MTAP: variants seen among roughly 807,000 people sequenced by gnomAD.
The protein encoded by MTAP is S-methyl-5'-thioadenosine phosphorylase.
In MTAP, 33 loss-of-function variants were observed where a neutral mutation model predicts 33.6. The observed-to-expected ratio is 0.98, with a 90% CI of 0.74 to 1.31. The LOEUF (loss-of-function observed/expected upper bound fraction) is 1.31. Among genes scored for constraint, MTAP ranks in the 40% most tolerant of loss-of-function variants. The pLI is 0.00. For synonymous variants in MTAP, 148 were observed against 125.7 expected, an observed-to-expected ratio of 1.18 and a Z score of -1.19; for missense variants, 367 against 360.0, an observed-to-expected ratio of 1.02 and a Z score of -0.16.
intron 6 of MTAP, among the ~76,000 whole-genome samples, chr9:21,857,026 T>C (rs1403546579): frequency 3.3e-5 from 5 of 152,166 alleles, no homozygotes; most frequent in African/African-American, 1.2e-4. Flanking sequence ...TAATGCTGGC[T>C]TGTAAGAGGG....
At chr9:21,860,578 A>T (rs1825734042) in intron 7 of MTAP, 1 of 152,258 alleles carries the variant, frequency 6.6e-6, no homozygotes, top group African/African-American at 2.4e-5. Context: ...CATAATATAT[A>T]GAGATGCAGG....
At chr9:21,849,249 G>T (rs1385165198) in intron 5 of MTAP, among the ~76,000 whole-genome samples, 1 of 152,140 alleles carries the variant, frequency 6.6e-6, no homozygotes, top group Non-Finnish European at 1.5e-5. Context: ...TCCCCAAGGA[G>T]ACCTCCGACC....
At chr9:21,860,615 G>A (rs10965166) in intron 7 of MTAP, 1 of 152,232 alleles carries the variant, frequency 6.6e-6, no homozygotes, top group East Asian at 1.9e-4. Context: ...AATTAAAAGG[G>A]AAAAAATACA....
intron 1 of MTAP, chr9:21,812,249 A>G (rs753024637): frequency 6.2e-5 from 14 of 226,516 alleles, no homozygotes; most frequent in Non-Finnish European, 1.1e-4. Context: ...TGGTGACCCC[A>G]CTCATGGCTG....
In MTAP at chr9:21,863,622, CAA is replaced by C. The variant is rs11358276; in HGVS notation, c.*1621_*1622del. 0.014 allele frequency: 12,282 copies of C among 860,326 alleles called. 62 individuals are homozygous for C. Among genetic ancestry groups the C allele is most frequent in the East Asian group, 0.075 (591 of 7,878 alleles). The allele number at this position is 860,326 out of a possible 1,614,324, so 53.3% of individuals were successfully genotyped here. A position where few individuals can be genotyped will look rare whatever the true frequency, so the allele number is the denominator to read the frequency against. ...TGGGCAACAGAGTAAGACTCAGTCT[CAA>C]AAAAAAAAAAAAGAGTGAAATGCTT... On this transcript the variant is annotated 3_prime_UTR_variant, in exon 8 of 8. Transcript: ENST00000644715.
Position 21,829,937 on chromosome 9 carries a change from T to C in MTAP, c.348-7971T>C, listed in dbSNP as rs569141139. 3.3e-5 allele frequency among the ~76,000 whole-genome samples: 5 copies of C among 152,284 alleles called. No homozygotes were observed. In the South Asian group the frequency reaches 6.2e-4, roughly 19 times the overall value. On this transcript the variant is annotated intron_variant, in intron 4 of 7. Transcript: ENST00000644715. ...CTTATCTGAAAATCTTTTTTTTTCT[T>C]CTCTCTCTCATGCTACATTACAGCT... is the stretch of plus-strand genomic sequence containing the variant.
intron 4 of MTAP, among the ~76,000 whole-genome samples, chr9:21,832,419 T>C (rs944585755): frequency 1.3e-5 from 2 of 152,250 alleles, no homozygotes; most frequent in Non-Finnish European, 2.9e-5. Flanking sequence ...TAGCTCTTTC[T>C]CTCATTGCTA....
downstream of MTAP, among the ~76,000 whole-genome samples, chr9:21,870,604 C>T (rs1226577876): frequency 6.6e-6 from 1 of 151,672 alleles, no homozygotes; most frequent in Non-Finnish European, 1.5e-5. Context: ...GCCACATTTA[C>T]AAAGTAAAAA....
Position 21,925,994 on chromosome 9 carries a change from G to A in MTAP, c.148-5014G>A, listed in dbSNP as rs74421963. ...CTTTTCTCATTCATTTTTAATGATAGCAGAATGTCCTACACTGCTTTTGGG... is the reference window on the plus strand; with the variant it reads ...CTTTTCTCATTCATTTTTAATGATAACAGAATGTCCTACACTGCTTTTGGG... On this transcript the variant is annotated intron_variant, in intron 1 of 1. Coordinates refer to the MTAP transcript ENST00000577563. Among the ~76,000 whole-genome samples the A allele has an allele frequency of 3.7e-3, 558 of 152,232 alleles. 12 individuals carry two copies. In the East Asian group the frequency reaches 0.049, roughly 13 times the overall value.
intron 4 of MTAP, among the ~76,000 whole-genome samples, chr9:21,833,517 C>T (rs1340035571): frequency 6.6e-6 from 1 of 152,136 alleles, no homozygotes; most frequent in East Asian, 1.9e-4. Context: ...ACTTCTTAGT[C>T]TGATGTTTCT....
At chr9:21,890,304 A>G (rs1234928531) in intron 1 of MTAP, among the ~76,000 whole-genome samples, 1 of 152,112 alleles carries the variant, frequency 6.6e-6, no homozygotes, top group Non-Finnish European at 1.5e-5. Context: ...CCCCAAGTTT[A>G]TATTCAGGCA....
chr9:21,863,443 T>G lies in MTAP; in HGVS notation c.*1429T>G, dbSNP rs1825792809. On this transcript the variant is annotated 3_prime_UTR_variant, in exon 8 of 8. Coordinates refer to ENST00000644715, the MANE Select transcript of MTAP (RefSeq NM_002451.4). ...TAATGCGTTGAAACTCCGTCTCTAC[T>G]AAAAATACAAAAAATTAGCTGGGCG... is the stretch of plus-strand genomic sequence containing the variant. 1 of 612,236 alleles carries G rather than the reference T, an allele frequency of 1.6e-6. No homozygotes were observed. Among genetic ancestry groups the G allele is most frequent in the African/African-American group, 2.0e-5 (1 of 49,964 alleles). The allele number at this position is 612,236 out of a possible 1,614,324, so 37.9% of individuals were successfully genotyped here. A position where few individuals can be genotyped will look rare whatever the true frequency, so the allele number is the denominator to read the frequency against.
chr9:21,885,726 G>T lies in MTAP; in HGVS notation c.147+30856G>T, dbSNP rs1004861196. ...AATAATGGTCCCCAAATCCATCCAGGTTGCTGCAAATGCCATTATTTCATT... is the reference window on the plus strand; with the variant it reads ...AATAATGGTCCCCAAATCCATCCAGTTTGCTGCAAATGCCATTATTTCATT... On this transcript the variant is annotated intron_variant, in intron 1 of 1. Transcript: ENST00000577563. Among the ~76,000 whole-genome samples the T allele has an allele frequency of 1.7e-4, 25 of 151,504 alleles. 1 individual carries two copies. Among genetic ancestry groups the T allele is most frequent in the African/African-American group, 6.1e-4 (25 of 41,252 alleles).
chr9:21,817,122 T>G (rs1824495647), intron 3 of MTAP, among the ~76,000 whole-genome samples: 1 of 152,204 alleles, frequency 6.6e-6, no homozygotes, highest in African/African-American at 2.4e-5. Context: ...TGGTAGTAGT[T>G]ATATGTCTGT....
chr9:21,906,605 G>A (rs1390584745), intron 1 of MTAP, among the ~76,000 whole-genome samples: 2 of 152,092 alleles, frequency 1.3e-5, no homozygotes, highest in African/African-American at 2.4e-5. Flanking sequence ...ATATTTGAAG[G>A]AAATTCAATG....
intron 1 of MTAP, among the ~76,000 whole-genome samples, chr9:21,880,833 C>T (rs766559252): frequency 2.6e-5 from 4 of 151,900 alleles, no homozygotes; most frequent in African/African-American, 4.8e-5. Context: ...CAGTACTACC[C>T]AAAGTGATCT....
At chr9:21,849,499 C>T (rs1434627247) in intron 5 of MTAP, among the ~76,000 whole-genome samples, 1 of 152,190 alleles carries the variant, frequency 6.6e-6, no homozygotes, top group African/African-American at 2.4e-5. Flanking sequence ...TGCCAGAATG[C>T]ATAACTGGCA....
At chr9:21,804,641 A>G (rs540255832) in intron 1 of MTAP, among the ~76,000 whole-genome samples, 56 of 152,330 alleles carry the variant, frequency 3.7e-4, no homozygotes, top group South Asian at 8.3e-4. Flanking sequence ...AACATTCTGT[A>G]TAGAAGATGT....
intron 5 of MTAP, among the ~76,000 whole-genome samples, chr9:21,840,838 G>A (rs1261577665): frequency 1.3e-5 from 2 of 152,208 alleles, no homozygotes; most frequent in Admixed American, 6.5e-5. Flanking sequence ...GGGAAGGGGT[G>A]AGGTCCAAAG....
Sources: gnomAD v4.1 joint callset for allele counts (sites outside exome capture counted in the v4.1 genomes callset) on GRCh38, gnomAD v4.1.1 for gene constraint, MANE v1.5 for transcripts, NCBI Gene and HGNC (gene_info 2026-07-23, HGNC 2026-07-21) for gene names.